Variants in TERF1 observed in about 807,000 individuals in gnomAD.
TERF1 encodes the protein telomeric repeat-binding factor 1.
A neutral mutation model predicts 55.1 loss-of-function variants in TERF1; 20 were observed. That is an observed-to-expected ratio of 0.36 (90% CI 0.26 to 0.53). The LOEUF (loss-of-function observed/expected upper bound fraction) is 0.53, where lower values mean the gene tolerates loss of function less well. TERF1 is among the 20% of genes least tolerant of loss of function. The probability of loss-of-function intolerance (pLI) is 0.91; values close to 1 mark genes in which losing one functional copy is unlikely to be tolerated. For missense variants in TERF1, 439 were observed against 535.7 expected, an observed-to-expected ratio of 0.82 and a Z score of 1.78; for synonymous variants, 168 against 181.2, an observed-to-expected ratio of 0.93 and a Z score of 0.59.
At chr8:73,021,049 A>G (rs538964021) in intron 3 of TERF1, among the ~76,000 whole-genome samples, 93 of 152,202 alleles carry the variant, frequency 6.1e-4, no homozygotes, top group African/African-American at 2.1e-3. Context: ...TGCACTCTCA[A>G]TTGATGCTTA....
chr8:73,012,918 G>T (rs901261963), intron 1 of TERF1: 1 of 456,076 alleles, frequency 2.2e-6, no homozygotes, highest in Non-Finnish European at 4.4e-6. Flanking sequence ...ACACAGGCTG[G>T]CAGTAGATGT....
chr8:73,039,286 T>C, intron 9 of TERF1, 67 bp downstream of exon 9: 2 of 1,178,620 alleles, frequency 1.7e-6, no homozygotes, highest in Non-Finnish European at 2.4e-6. Flanking sequence ...ATAATTGTGA[T>C]TATTTCTGTT....
intron 1 of TERF1, chr8:73,010,259 T>G (rs1044486548): frequency 6.6e-6 from 1 of 152,174 alleles, no homozygotes; most frequent in Non-Finnish European, 1.5e-5. Flanking sequence ...TACTGATAGG[T>G]TAAAAGGGAG....
chr8:73,026,033 G>GA (rs1808979308), intron 5 of TERF1, among the ~76,000 whole-genome samples: 1 of 126,522 alleles, frequency 7.9e-6, no homozygotes, highest in South Asian at 2.6e-4. Context: ...CATCTCTACC[G>GA]AAAAAATAGA....
chr8:73,042,587 T>A (rs56273477), intron 9 of TERF1, among the ~76,000 whole-genome samples: 9 of 152,322 alleles, frequency 5.9e-5, no homozygotes, highest in Admixed American at 2.0e-4. Flanking sequence ...TATAAACTTA[T>A]TCCATTAAAG....
At chr8:73,035,111 T>G (rs1369193685) in intron 8 of TERF1, among the ~76,000 whole-genome samples, 1 of 152,186 alleles carries the variant, frequency 6.6e-6, no homozygotes, top group Non-Finnish European at 1.5e-5. Context: ...TCAGTAACCT[T>G]TATGATCTGT....
chr8:73,048,067 A>G lies in TERF1; in HGVS notation c.*1930A>G, dbSNP rs1047785092. On this transcript the variant is annotated 3_prime_UTR_variant, in exon 10 of 10. Coordinates refer to ENST00000276603, the MANE Select transcript of TERF1 (RefSeq NM_017489.3). ...GATTTTTATCACATAACTTGTGGATACAAAAAAAGAGAAATTGTAAGCAAA... is the reference window on the plus strand; with the variant it reads ...GATTTTTATCACATAACTTGTGGATGCAAAAAAAGAGAAATTGTAAGCAAA... 6.6e-6 allele frequency: 1 copy of G among 152,224 alleles called. No individual in the cohort carries two copies. Among genetic ancestry groups the G allele is most frequent in the African/African-American group, 2.4e-5 (1 of 41,450 alleles). The allele number at this position is 152,224 out of a possible 1,614,324, so 9.4% of individuals were successfully genotyped here.
intron 9 of TERF1, among the ~76,000 whole-genome samples, chr8:73,040,588 G>C (rs1216165378): frequency 6.6e-6 from 1 of 152,102 alleles, no homozygotes; most frequent in Non-Finnish European, 1.5e-5. Flanking sequence ...TATATAGTTT[G>C]TTATTTATCC....
chr8:73,027,535 G>C (rs939967098), intron 6 of TERF1, among the ~76,000 whole-genome samples: 12 of 152,330 alleles, frequency 7.9e-5, no homozygotes, highest in African/African-American at 2.9e-4. Flanking sequence ...TATATTGAGA[G>C]ATAGTTGTTA....
chr8:73,018,702 T>TA (rs1285081655), intron 2 of TERF1, among the ~76,000 whole-genome samples: 2 of 152,104 alleles, frequency 1.3e-5, no homozygotes, highest in South Asian at 2.1e-4. Context: ...AAAATAAAAA[T>TA]AAAAAATTCT....
At chr8:73,009,413 C>G (rs1021647391) in intron 1 of TERF1, 2 of 570,292 alleles carry the variant, frequency 3.5e-6, no homozygotes, top group Non-Finnish European at 6.2e-6. Context: ...ATTTCCTCTT[C>G]GATAAAATGA....
rs56080603 is a variant in TERF1 at position 73,030,813 on chromosome 8, T to C, written c.947+418T>C. ...CTAATAGAATCGCTGTGACAGACAA[T>C]ACAACCTGTCCCGAGGGCAGAAAGT... On this transcript the variant is annotated intron_variant, in intron 7 of 9. Coordinates refer to ENST00000276603, the MANE Select transcript of TERF1 (RefSeq NM_017489.3). The C allele has an allele frequency of 6.9e-3, 1,056 of 153,348 alleles. 8 individuals are homozygous for C. Among genetic ancestry groups the C allele is most frequent in the African/African-American group, 0.023 (971 of 41,608 alleles). The allele number at this position is 153,348 out of a possible 1,614,324, so 9.5% of individuals were successfully genotyped here.
At chr8:73,043,386 A>G (rs1809908320) in intron 9 of TERF1, 1 of 152,210 alleles carries the variant, frequency 6.6e-6, no homozygotes, top group Non-Finnish European at 1.5e-5. Context: ...TTAATGCTAA[A>G]CACTGTTAGT....
intron 5 of TERF1, among the ~76,000 whole-genome samples, chr8:73,026,099 T>G (rs913563853): frequency 6.9e-6 from 1 of 144,234 alleles, no homozygotes; most frequent in African/African-American, 2.6e-5. Flanking sequence ...TTGTGGCGGC[T>G]GAGGCAGAAG....
chr8:73,036,432 G>T (rs1401140248), intron 8 of TERF1, among the ~76,000 whole-genome samples: 1 of 152,170 alleles, frequency 6.6e-6, no homozygotes, highest in Admixed American at 6.6e-5. Context: ...GAACCCTGTT[G>T]AGATTTTTAT....
At chr8:73,039,260 T>C (rs756776676) in intron 9 of TERF1, 41 bp downstream of exon 9, 1 of 1,321,216 alleles carries the variant, frequency 7.6e-7, no homozygotes. Context: ...TTATGGACAT[T>C]AAAGTTATAA....
At chr8:73,030,097 C>A in intron 6 of TERF1, 1 of 344,244 alleles carries the variant, frequency 2.9e-6, no homozygotes, top group Non-Finnish European at 5.2e-6. Context: ...GTTATAAATG[C>A]TTGACTACAC....
chr8:73,024,978 A>G lies in TERF1; in HGVS notation c.774+7A>G, dbSNP rs758690630. ...ATCAACCTTTCTAATGAAGGTATAC[A>G]TATTATTCAAGAGTGACTAATAATA... On this transcript the variant is annotated splice_region_variant and intron_variant, in intron 5 of 9. Transcript: ENST00000276603. 2.6e-6 allele frequency: 4 copies of G among 1,518,790 alleles called. No homozygotes were observed. The highest frequency in any genetic ancestry group is 3.6e-6 in the Non-Finnish European group (4 of 1,122,980). 94.1% of individuals were successfully genotyped at this position (1,518,790 alleles called of 1,614,324 possible). A position where few individuals can be genotyped will look rare whatever the true frequency, so the allele number is the denominator to read the frequency against.
At position 73,009,205 on chromosome 8, in the gene TERF1, G is replaced by A. The variant is rs1191932524; in HGVS notation, c.319G>A (p.Ala107Thr). ...DFRRTRNSAEAIIHGLSSLTA... is the reference protein window; with the variant it reads ...DFRRTRNSAETIIHGLSSLTA... The stretch of plus-strand genomic sequence containing the variant: ...CCGCAGGACCCGCAACAGCGCAGAG[G>A]GTGAGTGCAGACCGCGTCCGGGCCG... The change falls in exon 1 of 10, where the codon GCT becomes ACT. Residue 107 changes from alanine (A) to threonine (T), a missense_variant and splice_region_variant. Around this residue, in one of 4 missense-constraint regions of TERF1, gnomAD observed 179 missense variants for 152.6 expected, o/e 1.17. Transcript: ENST00000276603. 8 of 1,609,294 alleles carry A rather than the reference G, an allele frequency of 5.0e-6. No individual in the cohort carries two copies. The highest frequency in any genetic ancestry group is 1.7e-5 in the Admixed American group (1 of 59,894).
Sources: allele counts gnomAD v4.1 joint callset (sites outside exome capture counted in the v4.1 genomes callset), GRCh38; gene constraint gnomAD v4.1.1; regional missense constraint gnomAD v4.1.1; transcripts MANE v1.5; gene names NCBI Gene and HGNC (gene_info 2026-07-23, HGNC 2026-07-21).